TAF3: variants seen among roughly 807,000 people sequenced by gnomAD.
TAF3 encodes the protein transcription initiation factor TFIID subunit 3.
TAF3 carries 7 observed loss-of-function variants against 80.6 expected under a neutral mutation model. The observed-to-expected ratio is 0.09, with a 90% CI of 0.05 to 0.16. The LOEUF is 0.16. Among genes scored for constraint, TAF3 ranks in the 10% least tolerant of loss-of-function variants. The pLI is 1.00. For missense variants in TAF3, 921 were observed against 1,140.2 expected, an observed-to-expected ratio of 0.81 and a Z score of 2.77; for synonymous variants, 444 against 446.1, an observed-to-expected ratio of 1.00 and a Z score of 0.06.
chr10:7,867,884 G>C (rs1041425397), intron 2 of TAF3, among the ~76,000 whole-genome samples: 2 of 152,154 alleles, frequency 1.3e-5, no homozygotes, highest in African/African-American at 2.4e-5. Context: ...AATGTAAACG[G>C]TCGATTAACA....
At position 7,818,884 on chromosome 10, in the gene TAF3, C is replaced by CG. The variant is rs1836659212; in HGVS notation, c.166+12dup. 2 of 1,427,998 alleles carry CG rather than the reference C, an allele frequency of 1.4e-6. No homozygotes were observed. Among genetic ancestry groups the CG allele is most frequent in the African/African-American group, 1.5e-5 (1 of 66,822 alleles). 88.5% of individuals were successfully genotyped at this position (1,427,998 alleles called of 1,614,324 possible). A position where few individuals can be genotyped will look rare whatever the true frequency, so the allele number is the denominator to read the frequency against. Reference sequence around the variant, plus strand: ...TCGGTACTCTGAGCTCTGTGAGTACCGGGCTGGGTGCGGGAGGGCTGCCCC... The same window carrying CG: ...TCGGTACTCTGAGCTCTGTGAGTACCGGGGCTGGGTGCGGGAGGGCTGCCCC... On this transcript the variant is annotated intron_variant, in intron 1 of 6. Transcript: ENST00000344293.
At chr10:7,835,129 T>G (rs1166394987) in intron 2 of TAF3, among the ~76,000 whole-genome samples, 1 of 152,198 alleles carries the variant, frequency 6.6e-6, no homozygotes, top group Non-Finnish European at 1.5e-5. Context: ...GTGTCCAATC[T>G]TTTGGCTTCC....
chr10:7,888,913 TC>T (rs1259254364), intron 2 of TAF3, among the ~76,000 whole-genome samples: 11 of 152,204 alleles, frequency 7.2e-5, no homozygotes, highest in African/African-American at 2.7e-4. Flanking sequence ...TATGCACACT[TC>T]CTCCGGTGTA....
rs1457505659 is a variant in TAF3 at position 7,818,665 on chromosome 10, G to A, written c.-45G>A. The A allele has an allele frequency of 3.8e-6, 6 of 1,585,400 alleles. No individual in the cohort carries two copies. The South Asian group carries it at 4.5e-5, about 12-fold the overall frequency. On this transcript the variant is annotated 5_prime_UTR_variant, in exon 1 of 7. Transcript: ENST00000344293. Reference sequence around the variant, plus strand: ...CCTGCTAAGGTCTGGCGGCGGGGCTGGAGAGCAGTGGCAGCAAGGGCTGCG... The same window carrying A: ...CCTGCTAAGGTCTGGCGGCGGGGCTAGAGAGCAGTGGCAGCAAGGGCTGCG...
chr10:7,922,321 A>G (rs972357145), intron 2 of TAF3, among the ~76,000 whole-genome samples: 2 of 152,104 alleles, frequency 1.3e-5, no homozygotes, highest in African/African-American at 4.8e-5. Context: ...GCTGTTTCAT[A>G]GAATCAGAGG....
chr10:7,918,491 C>G lies in TAF3; in HGVS notation c.410-45429C>G, dbSNP rs1837733125. Reference sequence around the variant, plus strand: ...GGGAGGGAGAGACTGTGAGCTAGTTCAAGTTCAGTCTGTGGCACAGCTAGG... The same window carrying G: ...GGGAGGGAGAGACTGTGAGCTAGTTGAAGTTCAGTCTGTGGCACAGCTAGG... On this transcript the variant is annotated intron_variant, in intron 2 of 6. Transcript: ENST00000344293. 2.6e-5 allele frequency among the ~76,000 whole-genome samples: 4 copies of G among 152,102 alleles called. No individual in the cohort carries two copies. In the South Asian group the frequency reaches 8.3e-4, roughly 32 times the overall value.
At chr10:7,823,250 G>A (rs1836707095) in intron 1 of TAF3, among the ~76,000 whole-genome samples, 1 of 151,830 alleles carries the variant, frequency 6.6e-6, no homozygotes, top group African/African-American at 2.4e-5. Flanking sequence ...CACTGTTTAA[G>A]ATTCTGCAGA....
intron 2 of TAF3, among the ~76,000 whole-genome samples, chr10:7,839,880 A>G (rs1023703166): frequency 6.6e-6 from 1 of 152,222 alleles, no homozygotes; most frequent in African/African-American, 2.4e-5. Flanking sequence ...GCGGAGGTGT[A>G]TACATGTCAG....
chr10:7,914,031 A>T (rs553823125), intron 2 of TAF3, among the ~76,000 whole-genome samples: 3 of 152,170 alleles, frequency 2.0e-5, no homozygotes, highest in Admixed American at 2.0e-4. Context: ...ACATCAACCA[A>T]TTGCAATGTG....
intron 2 of TAF3, among the ~76,000 whole-genome samples, chr10:7,936,172 A>C (rs1357702788): frequency 6.6e-6 from 1 of 152,242 alleles, no homozygotes; most frequent in Non-Finnish European, 1.5e-5. Context: ...ACAGAGCATT[A>C]GCTGTGTGCG....
chr10:7,860,965 A>G (rs1189819225), intron 2 of TAF3, among the ~76,000 whole-genome samples: 1 of 143,662 alleles, frequency 7.0e-6, no homozygotes, highest in Non-Finnish European at 1.5e-5. Context: ...TGCCCAGCTA[A>G]TTTTTTTTTT....
intron 4 of TAF3, among the ~76,000 whole-genome samples, chr10:8,003,268 A>G (rs1831961415): frequency 6.8e-6 from 1 of 147,260 alleles, no homozygotes; most frequent in Non-Finnish European, 1.5e-5. Flanking sequence ...TTTTTTCCTC[A>G]TATTATACGT....
intron 3 of TAF3, chr10:7,975,029 GCCACTGCACT>G (rs1831657220): frequency 5.1e-6 from 1 of 197,908 alleles, no homozygotes; most frequent in African/African-American, 2.7e-5. Context: ...AGCCAAGATT[GCCACTGCACT>G]CCAGCCTGGC....
At chr10:7,862,355 C>T (rs1474769475) in intron 2 of TAF3, among the ~76,000 whole-genome samples, 1 of 152,062 alleles carries the variant, frequency 6.6e-6, no homozygotes, top group African/African-American at 2.4e-5. Flanking sequence ...CTGCTGTTTT[C>T]CTGATGTTTG....
chr10:7,980,117 G>C (rs896435434), intron 4 of TAF3, among the ~76,000 whole-genome samples: 4 of 152,030 alleles, frequency 2.6e-5, no homozygotes, highest in African/African-American at 9.7e-5. Flanking sequence ...CCTTGGGGGG[G>C]AATAATACTC....
At chr10:8,011,863 A>G (rs991329799) in intron 5 of TAF3, among the ~76,000 whole-genome samples, 1 of 152,166 alleles carries the variant, frequency 6.6e-6, no homozygotes, top group African/African-American at 2.4e-5. Flanking sequence ...GATGAGTCCA[A>G]CTGGAATAGA....
chr10:7,987,890 T>C lies in TAF3; in HGVS notation c.2315+10567T>C, dbSNP rs180887312. ...CTATTCCCAGATCTCTTCTGAAATC[T>C]GTAGGTCCTTGGTGCTGGCTCCGTC... is the stretch of plus-strand genomic sequence containing the variant. On this transcript the variant is annotated intron_variant, in intron 4 of 6. Transcript: ENST00000344293. 3.0e-3 allele frequency among the ~76,000 whole-genome samples: 452 copies of C among 152,336 alleles called. 2 individuals carry two copies. The highest frequency in any genetic ancestry group is 5.2e-3 in the Admixed American group (79 of 15,306).
intron 2 of TAF3, among the ~76,000 whole-genome samples, chr10:7,897,755 G>C (rs945407179): frequency 6.6e-6 from 1 of 151,542 alleles, no homozygotes; most frequent in Non-Finnish European, 1.5e-5. Context: ...AAACTCCTGG[G>C]CTCAAGCGAG....
At chr10:7,976,679 G>A (rs1831676443) in intron 3 of TAF3, among the ~76,000 whole-genome samples, 1 of 152,146 alleles carries the variant, frequency 6.6e-6, no homozygotes, top group African/African-American at 2.4e-5. Context: ...TGAGATTACA[G>A]ACATGAGCCA....
Sources: gnomAD v4.1 joint callset for allele counts (sites outside exome capture counted in the v4.1 genomes callset) on GRCh38, gnomAD v4.1.1 for gene constraint, MANE v1.5 for transcripts, NCBI Gene and HGNC (gene_info 2026-07-23, HGNC 2026-07-21) for gene names.